Variants in DGKB observed in about 807,000 individuals in gnomAD.
DGKB encodes diacylglycerol kinase beta.
DGKB carries 67 observed loss-of-function variants against 114.3 expected under a neutral mutation model. That is an observed-to-expected ratio of 0.59 (90% confidence interval 0.48 to 0.72). The LOEUF is 0.72. DGKB is among the 30% of genes least tolerant of loss of function. DGKB has a pLI of 0.00. For missense variants in DGKB, 907 were observed against 975.2 expected (o/e 0.93, Z 0.93); for synonymous variants, 398 against 323.1 (o/e 1.23, Z -2.49).
chr7:14,808,953 T>C (rs7811380), intron 2 of DGKB, among the ~76,000 whole-genome samples: 26,094 of 152,016 alleles, frequency 0.17, 3,174 homozygotes, highest in African/African-American at 0.35. Context: ...ACATCAGCCA[T>C]CCTCCATTAT....
intron 23 of DGKB, among the ~76,000 whole-genome samples, chr7:14,327,295 G>A (rs1420056868): frequency 6.6e-6 from 1 of 151,744 alleles, no homozygotes; most frequent in Non-Finnish European, 1.5e-5. Flanking sequence ...AAGACAAACA[G>A]CAGAAATGAG....
intron 19 of DGKB, among the ~76,000 whole-genome samples, chr7:14,580,441 G>C (rs1190833786): frequency 6.6e-6 from 1 of 152,150 alleles, no homozygotes; most frequent in Non-Finnish European, 1.5e-5. Flanking sequence ...TCAAAACTGA[G>C]TATTATTTAA....
At position 14,821,068 on chromosome 7, in the gene DGKB, T is replaced by TA. The variant is rs544233960; in HGVS notation, c.70+20125dup. ...CCATAATCACTTAATCACTTAGAGA[T>TA]AAAAAAAGGTCTATTCACATTTAAG... On this transcript the variant is annotated intron_variant, in intron 2 of 25. Coordinates refer to ENST00000402815, the MANE Select transcript of DGKB (RefSeq NM_001350709.2). Among the ~76,000 whole-genome samples the TA allele has an allele frequency of 4.9e-3, 739 of 152,114 alleles. 7 individuals carry two copies. The highest frequency in any genetic ancestry group is 0.016 in the African/African-American group (680 of 41,518).
intron 23 of DGKB, among the ~76,000 whole-genome samples, chr7:14,259,303 A>G (rs932850922): frequency 6.3e-5 from 9 of 141,824 alleles, no homozygotes; most frequent in African/African-American, 8.2e-5. Context: ...TGGCAAATTA[A>G]CAAGGTCTAT....
At chr7:14,645,278 C>G (rs148265978) in intron 13 of DGKB, among the ~76,000 whole-genome samples, 2 of 152,250 alleles carry the variant, frequency 1.3e-5, no homozygotes, top group East Asian at 3.9e-4. Flanking sequence ...TTCTGGTGTG[C>G]ACATACCTTG....
intron 21 of DGKB, among the ~76,000 whole-genome samples, chr7:14,386,592 A>G (rs952167052): frequency 6.6e-6 from 1 of 152,258 alleles, no homozygotes; most frequent in Non-Finnish European, 1.5e-5. Context: ...AGTGAAATGC[A>G]AGAGATAAGT....
At chr7:14,609,680 C>T (rs890892530) in intron 16 of DGKB, among the ~76,000 whole-genome samples, 9 of 151,666 alleles carry the variant, frequency 5.9e-5, no homozygotes, top group African/African-American at 2.2e-4. Flanking sequence ...GGGAAAAAAA[C>T]AACAACAAAT....
At position 14,497,157 on chromosome 7, in the gene DGKB, G is replaced by A. The variant is rs1027736777; in HGVS notation, c.1771-18932C>T. Among the ~76,000 whole-genome samples the A allele has an allele frequency of 2.0e-5, 3 of 151,590 alleles. No individual in the cohort carries two copies. The Admixed American group carries it at 2.0e-4, about 10-fold the overall frequency. ...CTATGGGTACACAAAGGCATACAGA[G>A]TAGTATATTGGACATTGGAGACTCA... On this transcript the variant is annotated intron_variant, in intron 20 of 25. Transcript: ENST00000402815.
intron 20 of DGKB, among the ~76,000 whole-genome samples, chr7:14,510,675 C>A (rs113364349): frequency 3.1e-3 from 467 of 152,244 alleles, no homozygotes; most frequent in African/African-American, 0.01. Flanking sequence ...ATGGCAAATC[C>A]TTTCCAGAAA....
chr7:14,808,659 C>G (rs925260452), intron 2 of DGKB, among the ~76,000 whole-genome samples: 1 of 152,028 alleles, frequency 6.6e-6, no homozygotes, highest in Non-Finnish European at 1.5e-5. Context: ...AATTAAAACA[C>G]AGGCTGTTAC....
At chr7:14,330,031 A>C (rs1358120214) in intron 23 of DGKB, among the ~76,000 whole-genome samples, 1 of 152,050 alleles carries the variant, frequency 6.6e-6, no homozygotes, top group South Asian at 2.1e-4. Flanking sequence ...TCAGATATCA[A>C]GGTCTACAGA....
chr7:14,558,070 C>T (rs1796122451), intron 20 of DGKB, among the ~76,000 whole-genome samples: 1 of 150,840 alleles, frequency 6.6e-6, no homozygotes, highest in Admixed American at 6.6e-5. Flanking sequence ...CACATCTCCA[C>T]ATTTTTATCT....
At chr7:14,574,656 T>G (rs2128710801) in intron 19 of DGKB, among the ~76,000 whole-genome samples, 1 of 152,266 alleles carries the variant, frequency 6.6e-6, no homozygotes, top group South Asian at 2.1e-4. Context: ...CCCACAAAAC[T>G]TTATACCAAT....
chr7:14,559,900 C>A (rs1173775442), intron 20 of DGKB, among the ~76,000 whole-genome samples: 1 of 151,204 alleles, frequency 6.6e-6, no homozygotes, highest in Non-Finnish European at 1.5e-5. Context: ...TTTCTCTTCT[C>A]TTTTCTTTTG....
chr7:14,384,570 T>C (rs941327151), intron 21 of DGKB, among the ~76,000 whole-genome samples: 54 of 152,298 alleles, frequency 3.5e-4, no homozygotes, highest in Middle Eastern at 3.4e-3. Flanking sequence ...TACTTAGAAG[T>C]TAGGGCCCAC....
chr7:14,733,185 A>G lies in DGKB; in HGVS notation c.322+2856T>C, dbSNP rs368149794. On this transcript the variant is annotated intron_variant, in intron 5 of 25. Coordinates refer to ENST00000402815, the MANE Select transcript of DGKB (RefSeq NM_001350709.2). ...TAGATCCACTGAAACTCATTCCGAG[A>G]AAAACAGCAAGTGCGGTGAGGCCTC... Among the ~76,000 whole-genome samples the G allele has an allele frequency of 7.2e-5, 11 of 152,218 alleles. No individual in the cohort carries two copies. The East Asian group carries it at 1.5e-3, about 21-fold the overall frequency.
intron 1 of DGKB, among the ~76,000 whole-genome samples, chr7:14,950,645 A>G (rs1243839707): frequency 3.3e-5 from 5 of 151,994 alleles, no homozygotes; most frequent in Admixed American, 1.3e-4. Context: ...AAGTCCAGGC[A>G]TGCATTTCTT....
At chr7:14,343,776 AAAT>A (rs1812014393) in intron 22 of DGKB, among the ~76,000 whole-genome samples, 1 of 151,122 alleles carries the variant, frequency 6.6e-6, no homozygotes, top group East Asian at 1.9e-4. Context: ...TTTTTTAAAA[AAAT>A]AATGATTCTA....
At chr7:14,283,736 C>A (rs113987862) in intron 23 of DGKB, among the ~76,000 whole-genome samples, 9 of 152,118 alleles carry the variant, frequency 5.9e-5, no homozygotes. Flanking sequence ...TGATGTTTGA[C>A]AAACCTGACA....
Sources: allele counts gnomAD v4.1 joint callset (sites outside exome capture counted in the v4.1 genomes callset), GRCh38; gene constraint gnomAD v4.1.1; transcripts MANE v1.5; gene names NCBI Gene and HGNC (gene_info 2026-07-23, HGNC 2026-07-21).